Variants in PRDM1 observed in about 807,000 individuals in gnomAD.
The protein encoded by PRDM1 is PR/SET domain 1.
In PRDM1, 13 loss-of-function variants were observed where a neutral mutation model predicts 62.8. The ratio of observed to expected loss-of-function variants is 0.21; its 90% CI spans 0.13 to 0.33. The LOEUF (loss-of-function observed/expected upper bound fraction) is 0.33. Among genes scored for constraint, PRDM1 ranks in the 10% least tolerant of loss-of-function variants. PRDM1 has a pLI of 1.00. For synonymous variants in PRDM1, 396 were observed against 417.6 expected, an observed-to-expected ratio of 0.95 and a Z score of 0.63; for missense variants, 895 against 1,058.8, an observed-to-expected ratio of 0.85 and a Z score of 2.15.
chr6:106,088,173 G>T (rs764686636), intron 1 of PRDM1, 28 bp from the exon 2 acceptor site: 1 of 1,561,334 alleles, frequency 6.4e-7, no homozygotes, highest in African/African-American at 1.4e-5. Flanking sequence ...GGACAATGGG[G>T]ATTAAAGGCC....
rs375059113 is a variant in PRDM1 at position 106,088,543 on chromosome 6, A to G, written c.291+94A>G. 2.3e-5 allele frequency: 32 copies of G among 1,361,712 alleles called. No homozygotes were observed. The East Asian group carries it at 4.4e-4, about 19-fold the overall frequency. 84.4% of individuals were successfully genotyped at this position (1,361,712 alleles called of 1,614,324 possible). A position where few individuals can be genotyped will look rare whatever the true frequency, so the allele number is the denominator to read the frequency against. ...CCTTGTATATCTCTGAAAACCTCTG[A>G]GAATCTGTAAGTATCAGTAAATAAT... On this transcript the variant is annotated intron_variant, in intron 2 of 6. Transcript: ENST00000369096.
chr6:106,086,910 C>T (rs1203919482), intron 1 of PRDM1, among the ~76,000 whole-genome samples: 1 of 151,806 alleles, frequency 6.6e-6, no homozygotes, highest in Admixed American at 6.6e-5. Context: ...CGTCATGACT[C>T]TACATGTTGG....
chr6:106,053,831 C>T lies in PRDM1; in HGVS notation c.-67+5117C>T, dbSNP rs577490534. Among the ~76,000 whole-genome samples, 6 of 144,300 alleles carry T rather than the reference C, an allele frequency of 4.2e-5. No individual in the cohort carries two copies. The East Asian group carries it at 1.4e-3, about 33-fold the overall frequency. 94.7% of individuals were successfully genotyped at this position (144,300 alleles called of 152,430 possible). On this transcript the variant is annotated intron_variant, in intron 1 of 6. Coordinates refer to the PRDM1 transcript ENST00000651185. ...CACAGTGTGCCCACCACCCCCCAGC[C>T]CTCCACCCCCCACAATGTATACAAT...
At chr6:106,043,375 C>A (rs1582436108) in intron 1 of PRDM1, among the ~76,000 whole-genome samples, 1 of 152,338 alleles carries the variant, frequency 6.6e-6, no homozygotes, top group East Asian at 1.9e-4. Context: ...CATATACCCA[C>A]TGCTTAGCAC....
intron 2 of PRDM1, among the ~76,000 whole-genome samples, chr6:106,089,031 A>G (rs942134269): frequency 1.3e-5 from 2 of 152,234 alleles, no homozygotes; most frequent in African/African-American, 4.8e-5. Context: ...GTTTATCTGC[A>G]GCAGCTCCTT....
At chr6:106,001,502 T>A (rs1281573909) in intron 1 of PRDM1, among the ~76,000 whole-genome samples, 4 of 152,224 alleles carry the variant, frequency 2.6e-5, no homozygotes, top group African/African-American at 9.6e-5. Context: ...GTCTTTAACT[T>A]ACCTAAAATG....
chr6:106,099,413 G>T lies in PRDM1; in HGVS notation c.525G>T (p.Ala175=), dbSNP rs142437241. 1.2e-6 allele frequency: 2 copies of T among 1,614,202 alleles called. No homozygotes were observed. The highest frequency in any genetic ancestry group is 2.2e-5 in the South Asian group (2 of 91,088). ...AHSPREQNLA[A]CQNGMNIYFY... ...CTCCCCGGGAGCAAAACCTGGCTGCGTGTCAGAACGGGATGAACATCTACT... is the reference window on the plus strand; with the variant it reads ...CTCCCCGGGAGCAAAACCTGGCTGCTTGTCAGAACGGGATGAACATCTACT... The change falls in exon 4 of 7, where the codon GCG becomes GCT. Residue 175 remains alanine (A), a synonymous_variant. Coordinates refer to ENST00000369096, the MANE Select transcript of PRDM1 (RefSeq NM_001198.4).
At chr6:106,025,614 C>G (rs1772753359) in intron 1 of PRDM1, among the ~76,000 whole-genome samples, 1 of 152,034 alleles carries the variant, frequency 6.6e-6, no homozygotes, top group South Asian at 2.1e-4. Context: ...CTAGCATGTT[C>G]AGGATTAAGT....
chr6:106,081,807 G>C (rs900997027), upstream of PRDM1, among the ~76,000 whole-genome samples: 1 of 152,120 alleles, frequency 6.6e-6, no homozygotes, highest in East Asian at 1.9e-4. Flanking sequence ...GGAAGCACAC[G>C]GTGGCAGGTA....
intron 3 of PRDM1, chr6:106,098,294 C>A: frequency 3.0e-6 from 3 of 985,256 alleles, no homozygotes; most frequent in Non-Finnish European, 3.6e-6. Context: ...AGAGAGAAAA[C>A]TTTGTGTGGA....
rs114855982 is a variant in PRDM1 at position 106,041,435 on chromosome 6, C to G, written c.-66-46766C>G. 4.5e-3 allele frequency among the ~76,000 whole-genome samples: 682 copies of G among 152,242 alleles called. 5 individuals carry two copies. The highest frequency in any genetic ancestry group is 0.016 in the African/African-American group (657 of 41,560). On this transcript the variant is annotated intron_variant, in intron 1 of 6. Coordinates refer to the PRDM1 transcript ENST00000652320. ...TGCTTTAGGTTATTGCTGTTATGTT[C>G]TTTTACTTTCATTACCTTAAAATAC... is the stretch of plus-strand genomic sequence containing the variant.
intron 2 of PRDM1, among the ~76,000 whole-genome samples, chr6:106,094,580 C>G (rs187995005): frequency 3.3e-5 from 5 of 152,302 alleles, no homozygotes; most frequent in Non-Finnish European, 7.4e-5. Flanking sequence ...TTAGAACCTA[C>G]AGCTTTCCTC....
chr6:106,089,989 C>G (rs1773918756), intron 2 of PRDM1, among the ~76,000 whole-genome samples: 1 of 152,208 alleles, frequency 6.6e-6, no homozygotes, highest in African/African-American at 2.4e-5. Context: ...CAGCTCTTAG[C>G]TTAAGTTTTT....
At chr6:105,998,919 ATATATATATATATATT>A (rs1232993186) in intron 1 of PRDM1, among the ~76,000 whole-genome samples, 23 of 4,788 alleles carry the variant, frequency 4.8e-3, no homozygotes, top group Non-Finnish European at 0.013. Flanking sequence ...ATATATATAT[ATATATATATATATATT>A]TTTTTTTTTT....
intron 3 of PRDM1, among the ~76,000 whole-genome samples, chr6:106,097,238 A>C (rs1226177979): frequency 6.6e-6 from 1 of 152,248 alleles, no homozygotes; most frequent in Non-Finnish European, 1.5e-5. Flanking sequence ...AAAGGTGCAT[A>C]GTTCTTGGAG....
intron 1 of PRDM1, among the ~76,000 whole-genome samples, chr6:106,077,820 G>A (rs1295995849): frequency 3.3e-5 from 5 of 152,186 alleles, no homozygotes; most frequent in Non-Finnish European, 7.4e-5. Context: ...TAATGAAACA[G>A]AGGTCAATAA....
chr6:106,079,763 A>G (rs1773663035), intron 1 of PRDM1, among the ~76,000 whole-genome samples: 1 of 152,198 alleles, frequency 6.6e-6, no homozygotes, highest in African/African-American at 2.4e-5. Flanking sequence ...ATGCCATTGC[A>G]CTCTAGCCTG....
chr6:106,086,622 A>C lies in PRDM1; in HGVS notation c.42+27A>C, dbSNP rs957433482. On this transcript the variant is annotated intron_variant, in intron 1 of 6. Coordinates refer to ENST00000369096, the MANE Select transcript of PRDM1 (RefSeq NM_001198.4). The stretch of plus-strand genomic sequence containing the variant: ...TAAGGAACTTGAATTTTTTTTTTTT[A>C]ATTCTGAAATTGATCTGAAAACTTT... The C allele has an allele frequency of 8.0e-6, 12 of 1,494,172 alleles. No homozygotes were observed. The African/African-American group carries it at 1.7e-4, about 21-fold the overall frequency. 92.6% of individuals were successfully genotyped at this position (1,494,172 alleles called of 1,614,324 possible). A position where few individuals can be genotyped will look rare whatever the true frequency, so the allele number is the denominator to read the frequency against.
upstream of PRDM1, among the ~76,000 whole-genome samples, chr6:106,083,889 C>G (rs1166367471): frequency 6.6e-6 from 1 of 152,214 alleles, no homozygotes; most frequent in African/African-American, 2.4e-5. Context: ...CTGCCAGGGT[C>G]TCCCAGCTTT....
Sources: gnomAD v4.1 joint callset for allele counts (sites outside exome capture counted in the v4.1 genomes callset) on GRCh38, gnomAD v4.1.1 for gene constraint, MANE v1.5 for transcripts, NCBI Gene and HGNC (gene_info 2026-07-23, HGNC 2026-07-21) for gene names.